Variants in GPHN observed in about 807,000 individuals in gnomAD.
GPHN encodes gephyrin.
Under a neutral mutation model 95.5 loss-of-function variants are expected in GPHN, and 17 were observed. That is an observed-to-expected ratio of 0.18 (90% CI 0.12 to 0.27). GPHN has a LOEUF of 0.27. GPHN is among the 10% of genes least tolerant of loss of function. GPHN has a pLI of 1.00. For synonymous variants in GPHN, 320 were observed against 322.5 expected (o/e 0.99, Z 0.08); for missense variants, 660 against 978.1 (o/e 0.67, Z 4.34).
At chr14:67,380,625 T>G in the GPHN span, 1 of 1,251,344 alleles carries the variant, frequency 8.0e-7, no homozygotes, top group Non-Finnish European at 1.1e-6. Context: ...AATATAACCT[T>G]GACCTTTTGT....
chr14:67,119,509 G>A (rs1442997002), intron 16 of GPHN, among the ~76,000 whole-genome samples: 4 of 152,208 alleles, frequency 2.6e-5, no homozygotes, highest in African/African-American at 9.6e-5. Context: ...AAATGTTTAG[G>A]CCAGGCGCAG....
chr14:67,555,058 G>A, the GPHN span, among the ~76,000 whole-genome samples: 4 of 151,974 alleles, frequency 2.6e-5, no homozygotes, highest in African/African-American at 7.3e-5. Flanking sequence ...GACTACAGGC[G>A]CACACCGCCA....
chr14:66,557,615 T>C (rs2060059845), intron 1 of GPHN, among the ~76,000 whole-genome samples: 1 of 152,192 alleles, frequency 6.6e-6, no homozygotes, highest in African/African-American at 2.4e-5. Context: ...TTATTAAAGG[T>C]ATATATAACT....
the GPHN span, chr14:67,646,995 T>C: frequency 1.9e-6 from 3 of 1,612,680 alleles, no homozygotes; most frequent in African/African-American, 2.7e-5. Flanking sequence ...CAGAAGGTCA[T>C]GGAACGAACA....
At chr14:67,665,609 G>A in the GPHN span, among the ~76,000 whole-genome samples, 4 of 152,018 alleles carry the variant, frequency 2.6e-5, no homozygotes, top group Non-Finnish European at 4.4e-5. Flanking sequence ...TTTTGGATGC[G>A]TATATTCTAT....
chr14:66,943,981 A>T (rs911690774), intron 8 of GPHN, among the ~76,000 whole-genome samples: 3 of 152,210 alleles, frequency 2.0e-5, no homozygotes, highest in Admixed American at 6.5e-5. Context: ...TTTCCCCTTC[A>T]TGTGTGCATT....
chr14:67,606,725 T>C, the GPHN span, among the ~76,000 whole-genome samples: 65,745 of 152,034 alleles, frequency 0.43, 18,303 homozygotes, highest in African/African-American at 0.8. Context: ...CAGCTCACTG[T>C]GACCTCTGCC....
chr14:67,264,214 T>A, the GPHN span, among the ~76,000 whole-genome samples: 1 of 152,242 alleles, frequency 6.6e-6, no homozygotes, highest in Non-Finnish European at 1.5e-5. Context: ...TTAAAACCTG[T>A]CTCCTCGTTT....
At chr14:66,755,304 G>T (rs2058519066) in intron 2 of GPHN, among the ~76,000 whole-genome samples, 1 of 152,038 alleles carries the variant, frequency 6.6e-6, no homozygotes, top group Non-Finnish European at 1.5e-5. Flanking sequence ...ATCTATTAGA[G>T]CATAACTGCA....
At chr14:67,679,838 T>C in the GPHN span, among the ~76,000 whole-genome samples, 2 of 150,480 alleles carry the variant, frequency 1.3e-5, no homozygotes, top group Admixed American at 6.6e-5. Flanking sequence ...AAAAAATGAT[T>C]GAATGTATTA....
At chr14:67,236,138 T>C in the GPHN span, among the ~76,000 whole-genome samples, 3 of 152,194 alleles carry the variant, frequency 2.0e-5, no homozygotes, top group South Asian at 2.1e-4. Context: ...TATACATTGT[T>C]ATTAACTATA....
chr14:67,143,792 T>C (rs1015538742), intron 18 of GPHN, among the ~76,000 whole-genome samples: 5 of 152,030 alleles, frequency 3.3e-5, no homozygotes, highest in Non-Finnish European at 5.9e-5. Context: ...TTCCTTCTAC[T>C]CAAATTTAAA....
chr14:67,173,124 A>C (rs917164509), intron 21 of GPHN, among the ~76,000 whole-genome samples: 3 of 152,014 alleles, frequency 2.0e-5, no homozygotes, highest in Non-Finnish European at 4.4e-5. Flanking sequence ...GACAACCTAC[A>C]CTCAAAACTA....
chr14:67,730,181 C>T, the GPHN span, among the ~76,000 whole-genome samples: 1 of 152,174 alleles, frequency 6.6e-6, no homozygotes, highest in Non-Finnish European at 1.5e-5. Flanking sequence ...CAAGTTTTCA[C>T]ATGAAACTGA....
chr14:66,528,563 G>A (rs2058783549), intron 1 of GPHN, among the ~76,000 whole-genome samples: 1 of 152,172 alleles, frequency 6.6e-6, no homozygotes, highest in East Asian at 1.9e-4. Flanking sequence ...AGTGACGATG[G>A]TTTTTACAAT....
At chr14:67,236,237 C>G in the GPHN span, among the ~76,000 whole-genome samples, 2 of 152,238 alleles carry the variant, frequency 1.3e-5, no homozygotes, top group South Asian at 4.2e-4. Context: ...CCCACTCCTC[C>G]CTCCAACTCA....
the GPHN span, among the ~76,000 whole-genome samples, chr14:67,339,836 T>C: frequency 1.3e-5 from 2 of 152,130 alleles, no homozygotes; most frequent in African/African-American, 2.4e-5. Flanking sequence ...CGGTGGCTCA[T>C]GCGTGTAATC....
chr14:67,661,529 C>CTT, the GPHN span, among the ~76,000 whole-genome samples: 430 of 110,042 alleles, frequency 3.9e-3, 12 homozygotes, highest in East Asian at 0.039. Context: ...GAACAGTAAC[C>CTT]TTTTTTTTTT....
the GPHN span, chr14:67,447,758 G>A: frequency 6.6e-6 from 1 of 152,152 alleles, no homozygotes; most frequent in African/African-American, 2.4e-5. Context: ...CTCAGCACAT[G>A]GAAAGATGAT....
Sources: gnomAD v4.1 joint callset for allele counts (sites outside exome capture counted in the v4.1 genomes callset) on GRCh38, gnomAD v4.1.1 for gene constraint, MANE v1.5 for transcripts, NCBI Gene and HGNC (gene_info 2026-07-23, HGNC 2026-07-21) for gene names.